Variants in TRPC1 observed in about 807,000 individuals in gnomAD.
TRPC1 encodes transient receptor potential cation channel subfamily C member 1, also known as short transient receptor potential channel 1.
A neutral mutation model predicts 88.2 loss-of-function variants in TRPC1; 42 were observed. The observed-to-expected ratio is 0.48, with a 90% confidence interval of 0.37 to 0.62. The LOEUF is 0.62. TRPC1 is among the 20% of genes least tolerant of loss of function. The pLI, the probability that TRPC1 is intolerant of heterozygous loss-of-function variation, is 0.00. For synonymous variants in TRPC1, 288 were observed against 331.8 expected, an observed-to-expected ratio of 0.87 and a Z score of 1.43; for missense variants, 699 against 957.3, an observed-to-expected ratio of 0.73 and a Z score of 3.56.
chr3:142,804,450 A>G lies in TRPC1; in HGVS notation c.1974A>G (p.Lys658=), dbSNP rs777090440. 1 of 1,610,014 alleles carries G rather than the reference A, an allele frequency of 6.2e-7. No individual in the cohort carries two copies. Among genetic ancestry groups the G allele is most frequent in the Non-Finnish European group, 8.5e-7 (1 of 1,178,694 alleles). The change falls in exon 12 of 13, where the codon AAA becomes AAG. Residue 658 remains lysine (K), a synonymous_variant. Coordinates refer to ENST00000476941, the MANE Select transcript of TRPC1 (RefSeq NM_001251845.2). ...CTTTTATATAGAATCATGAAGACAA[A>G]GAATGGAAGTTTGCTCGAGCAAAAT... is the stretch of plus-strand genomic sequence containing the variant. ...SFQLIANHED[K]EWKFARAKLW...
chr3:142,730,629 A>G (rs4683429), intron 1 of TRPC1, among the ~76,000 whole-genome samples: 148,970 of 149,030 alleles, frequency 1, 74,455 homozygotes, highest in Middle Eastern at 1. Flanking sequence ...TTCCTTTTTA[A>G]AATTTGGTTC....
Position 142,791,163 on chromosome 3 carries a change from C to T in TRPC1, c.1437+5C>T, listed in dbSNP as rs1276054463. The T allele has an allele frequency of 2.5e-6, 4 of 1,591,382 alleles. No homozygotes were observed. ...AAAGTGGTTGCTCACAACAAGGTGACTATTTACTATGTCAATTGAAGGCAC... is the reference window on the plus strand; with the variant it reads ...AAAGTGGTTGCTCACAACAAGGTGATTATTTACTATGTCAATTGAAGGCAC... On this transcript the variant is annotated splice_donor_5th_base_variant and intron_variant, in intron 8 of 12. Transcript: ENST00000476941.
chr3:142,728,184 T>G (rs1933757286), intron 1 of TRPC1, among the ~76,000 whole-genome samples: 1 of 152,106 alleles, frequency 6.6e-6, no homozygotes, highest in South Asian at 2.1e-4. Flanking sequence ...TAGAAGCCCC[T>G]TCTTGAAATT....
chr3:142,791,822 T>A (rs1936304166), intron 8 of TRPC1, among the ~76,000 whole-genome samples: 1 of 152,014 alleles, frequency 6.6e-6, no homozygotes, highest in Non-Finnish European at 1.5e-5. Context: ...TATATATTTT[T>A]ATTTAGAATT....
chr3:142,745,286 G>A (rs1449183044), intron 3 of TRPC1, among the ~76,000 whole-genome samples: 2 of 152,170 alleles, frequency 1.3e-5, no homozygotes, highest in East Asian at 3.8e-4. Flanking sequence ...TGGGGGAAGG[G>A]TGGGGTGTAG....
intron 4 of TRPC1, 141 bp downstream of exon 4, chr3:142,748,601 G>A: frequency 1.3e-6 from 1 of 782,732 alleles, no homozygotes; most frequent in Non-Finnish European, 2.0e-6. Flanking sequence ...TAGCTCCTTT[G>A]TTTTATATAA....
In TRPC1 at chr3:142,724,579, C is replaced by G. The variant is rs748211039; in HGVS notation, c.20C>G (p.Pro7Arg). The change falls in exon 1 of 13, where the codon CCG becomes CGG. Residue 7 changes from proline (P) to arginine (R), a missense_variant. Around this residue, in one of 4 missense-constraint regions of TRPC1, gnomAD observed 157 missense variants for 127.0 expected, o/e 1.24. Transcript: ENST00000476941. The surrounding 1 kb of genome is among the most constrained non-coding windows in gnomAD (Gnocchi z 5.6). ...GCCGCGATGATGGCGGCCCTGTACC[C>G]GAGCACGGACCTCTCGGGCGCCTCC... MMAALY[P>R]STDLSGASSS... 2.0e-5 allele frequency: 32 copies of G among 1,589,192 alleles called. No individual in the cohort carries two copies. Among genetic ancestry groups the G allele is most frequent in the Non-Finnish European group, 2.5e-5 (29 of 1,169,404 alleles).
intron 4 of TRPC1, 76 bp from the exon 5 acceptor site, chr3:142,777,556 A>T (rs1262435016): frequency 1.0e-6 from 1 of 955,292 alleles, no homozygotes; most frequent in East Asian, 3.2e-5. Context: ...GTATACATTT[A>T]TGAAAATTAT....
At chr3:142,795,750 A>G (rs1936430991) in intron 9 of TRPC1, among the ~76,000 whole-genome samples, 1 of 152,098 alleles carries the variant, frequency 6.6e-6, no homozygotes, top group Non-Finnish European at 1.5e-5. Context: ...CTACAGTAAC[A>G]TAGGGGAATA....
At chr3:142,757,339 A>T (rs139345348) in intron 4 of TRPC1, among the ~76,000 whole-genome samples, 4,417 of 123,630 alleles carry the variant, frequency 0.036, 232 homozygotes, top group African/African-American at 0.15. Flanking sequence ...AAATCATTCT[A>T]TAAAGACACA....
intron 2 of TRPC1, among the ~76,000 whole-genome samples, chr3:142,740,668 C>T (rs1356943282): frequency 2.6e-5 from 4 of 152,154 alleles, no homozygotes; most frequent in Non-Finnish European, 5.9e-5. Flanking sequence ...TAGTTTTTAA[C>T]ATATTGGCTT....
At chr3:142,805,617 A>C (rs897723758) in intron 12 of TRPC1, among the ~76,000 whole-genome samples, 4 of 152,194 alleles carry the variant, frequency 2.6e-5, no homozygotes, top group African/African-American at 7.2e-5. Flanking sequence ...GGGAGGGGAT[A>C]AAATTTCACT....
intron 10 of TRPC1, among the ~76,000 whole-genome samples, chr3:142,803,486 T>C (rs948398747): frequency 2.0e-5 from 3 of 152,136 alleles, no homozygotes; most frequent in African/African-American, 4.8e-5. Flanking sequence ...TTTTGAGTTA[T>C]TGAGATTGAG....
At chr3:142,794,417 T>C (rs1217447714) in intron 9 of TRPC1, among the ~76,000 whole-genome samples, 1 of 152,082 alleles carries the variant, frequency 6.6e-6, no homozygotes, top group Non-Finnish European at 1.5e-5. Flanking sequence ...GTAATAAGGA[T>C]TGGATTTACC....
chr3:142,724,300 C>A lies in TRPC1; in HGVS notation c.-260C>A. 4.3e-6 allele frequency: 1 copy of A among 234,570 alleles called. No homozygotes were observed. Among genetic ancestry groups the A allele is most frequent in the Non-Finnish European group, 8.2e-6 (1 of 121,984 alleles). The allele number at this position is 234,570 out of a possible 1,614,324, so 14.5% of individuals were successfully genotyped here. On this transcript the variant is annotated 5_prime_UTR_variant, in exon 1 of 13. Coordinates refer to ENST00000476941, the MANE Select transcript of TRPC1 (RefSeq NM_001251845.2). This position sits in a 1 kb window ranked among gnomAD's most constrained non-coding sequence, Gnocchi z 5.6. Reference sequence around the variant, plus strand: ...CCGGACGGGCGCGGACCGGCTCGGCCGGGGCGCCGGCGGCTGGGGAGGGGT... The same window carrying A: ...CCGGACGGGCGCGGACCGGCTCGGCAGGGGCGCCGGCGGCTGGGGAGGGGT...
intron 9 of TRPC1, among the ~76,000 whole-genome samples, chr3:142,796,070 T>G (rs1936439866): frequency 6.6e-6 from 1 of 152,130 alleles, no homozygotes. Context: ...TATTACCTCA[T>G]TTAATCCTCA....
intron 2 of TRPC1, among the ~76,000 whole-genome samples, chr3:142,743,019 T>C (rs1934410532): frequency 6.6e-6 from 1 of 152,196 alleles, no homozygotes; most frequent in Non-Finnish European, 1.5e-5. Flanking sequence ...CTCTCACCTT[T>C]AGATATTCTC....
At position 142,759,941 on chromosome 3, in the gene TRPC1, G is replaced by A. The variant is rs185714808; in HGVS notation, c.632+11481G>A. Among the ~76,000 whole-genome samples, 645 of 152,168 alleles carry A rather than the reference G, an allele frequency of 4.2e-3. 6 individuals carry two copies. The highest frequency in any genetic ancestry group is 0.014 in the African/African-American group (599 of 41,514). On this transcript the variant is annotated intron_variant, in intron 4 of 12. Transcript: ENST00000476941. ...GCGATCTCGGCTCACTGCAAGCTCCGCCTCCTGGGTTCATGCCATTCTCCT... is the reference window on the plus strand; with the variant it reads ...GCGATCTCGGCTCACTGCAAGCTCCACCTCCTGGGTTCATGCCATTCTCCT...
At chr3:142,781,696 C>T (rs1349679030) in intron 6 of TRPC1, among the ~76,000 whole-genome samples, 1 of 151,986 alleles carries the variant, frequency 6.6e-6, no homozygotes, top group East Asian at 1.9e-4. Flanking sequence ...TTTTAAATTT[C>T]ATTTTTGAGA....
Sources: allele counts gnomAD v4.1 joint callset (sites outside exome capture counted in the v4.1 genomes callset), GRCh38; gene constraint gnomAD v4.1.1; regional missense constraint gnomAD v4.1.1; non-coding constraint Gnocchi (gnomAD v3.1); transcripts MANE v1.5; gene names NCBI Gene and HGNC (gene_info 2026-07-23, HGNC 2026-07-21).